The following CSTB variants were observed in gnomAD, a reference collection of about 807,000 sequenced individuals.
CSTB encodes cystatin B, also known as cystatin-B.
CSTB carries 8 observed loss-of-function variants against 7.6 expected under a neutral mutation model. The observed-to-expected ratio is 1.05, with a 90% CI of 0.62 to 1.89. CSTB has a LOEUF of 1.89. Among genes scored for constraint, CSTB ranks in the 40% most tolerant of loss-of-function variants. The probability of loss-of-function intolerance (pLI) is 0.00; values close to 1 mark genes in which losing one functional copy is unlikely to be tolerated. For synonymous variants in CSTB, 56 were observed against 55.3 expected (o/e 1.01, Z -0.06); for missense variants, 124 against 126.4 (o/e 0.98, Z 0.09).
rs1477355983 is a variant in CSTB at position 43,776,285 on chromosome 21, G to A, written c.-16C>T. 3.5e-5 allele frequency: 53 copies of A among 1,529,326 alleles called. No homozygotes were observed. Among genetic ancestry groups the A allele is most frequent in the Non-Finnish European group, 4.5e-5 (51 of 1,140,178 alleles). 94.7% of individuals were successfully genotyped at this position (1,529,326 alleles called of 1,614,324 possible). On this transcript the variant is annotated 5_prime_UTR_variant, in exon 1 of 3. Coordinates refer to ENST00000291568, the MANE Select transcript of CSTB (RefSeq NM_000100.4). ...CGCACATCATCTTGGCGGCGACGGAGGGAATCTGGCGAGGGGACTCGGCGA... is the reference window on the plus strand; with the variant it reads ...CGCACATCATCTTGGCGGCGACGGAAGGAATCTGGCGAGGGGACTCGGCGA...
At chr21:43,774,443 G>T in intron 2 of CSTB, 113 bp from the exon 3 acceptor site, 1 of 1,495,518 alleles carries the variant, frequency 6.7e-7, no homozygotes, top group Non-Finnish European at 9.3e-7. Context: ...CATGTGCAGG[G>T]GATGCCTCAC....
In CSTB at chr21:43,774,650, C is replaced by T. The variant is rs556221258; in HGVS notation, c.168+8G>A. On this transcript the variant is annotated splice_region_variant and intron_variant, in intron 2 of 2. Coordinates refer to ENST00000291568, the MANE Select transcript of CSTB (RefSeq NM_000100.4). The stretch of plus-strand genomic sequence containing the variant: ...TCGGGGCAGGCCCTCCTGAGGCCCA[C>T]ACTCTACCTTGATGAAGTAGTTTGT... 6.2e-7 allele frequency: 1 copy of T among 1,611,720 alleles called. No homozygotes were observed. The highest frequency in any genetic ancestry group is 1.3e-5 in the African/African-American group (1 of 75,026).
chr21:43,774,432 G>A, intron 2 of CSTB, 102 bp from the exon 3 acceptor site: 1 of 1,565,338 alleles, frequency 6.4e-7, no homozygotes, highest in Non-Finnish European at 8.8e-7. Flanking sequence ...GTCTTCTCCT[G>A]CATGTGCAGG....
chr21:43,776,296 G>C lies in CSTB; in HGVS notation c.-27C>G, dbSNP rs759773569. ...TTGGCGGCGACGGAGGGAATCTGGC[G>C]AGGGGACTCGGCGAGGGGACGCGGC... On this transcript the variant is annotated 5_prime_UTR_variant, in exon 1 of 3. Transcript: ENST00000291568. 3.9e-6 allele frequency: 6 copies of C among 1,521,366 alleles called. No individual in the cohort carries two copies. The highest frequency in any genetic ancestry group is 5.3e-6 in the Non-Finnish European group (6 of 1,134,764). The allele number at this position is 1,521,366 out of a possible 1,614,324, so 94.2% of individuals were successfully genotyped here.
intron 1 of CSTB, 47 bp from the exon 2 acceptor site, chr21:43,774,806 T>TCC (rs1412518212): frequency 3.6e-6 from 5 of 1,406,216 alleles, no homozygotes; most frequent in Non-Finnish European, 5.0e-6. Flanking sequence ...CTTCTTGGAT[T>TCC]CCCTCCTGCT....
intron 1 of CSTB, chr21:43,775,340 G>A (rs2084005194): frequency 1.2e-5 from 2 of 173,176 alleles, no homozygotes; most frequent in Non-Finnish European, 2.5e-5. Context: ...ACCGGAGGGG[G>A]CTTCTTGCAC....
In CSTB at chr21:43,776,297, AGGGGACTCG is replaced by A; in HGVS notation, c.-37_-29del. 3 of 1,521,048 alleles carry A rather than the reference AGGGGACTCG, an allele frequency of 2.0e-6. No homozygotes were observed. The highest frequency in any genetic ancestry group is 2.6e-6 in the Non-Finnish European group (3 of 1,134,682). The allele number at this position is 1,521,048 out of a possible 1,614,324, so 94.2% of individuals were successfully genotyped here. ...TGGCGGCGACGGAGGGAATCTGGCG[AGGGGACTCG>A]GCGAGGGGACGCGGCGGCTCCTCAG... On this transcript the variant is annotated 5_prime_UTR_variant, in exon 1 of 3. Transcript: ENST00000291568.
At chr21:43,776,129 C>T in intron 1 of CSTB, 75 bp downstream of exon 1, 5 of 1,377,518 alleles carry the variant, frequency 3.6e-6, no homozygotes, top group South Asian at 2.5e-5. Context: ...CGGCTTCTTT[C>T]GCTCCAGGAG....
Position 43,776,295 on chromosome 21 carries a change from C to T in CSTB, c.-26G>A. On this transcript the variant is annotated 5_prime_UTR_variant, in exon 1 of 3. Coordinates refer to ENST00000291568, the MANE Select transcript of CSTB (RefSeq NM_000100.4). Reference sequence around the variant, plus strand: ...CTTGGCGGCGACGGAGGGAATCTGGCGAGGGGACTCGGCGAGGGGACGCGG... The same window carrying T: ...CTTGGCGGCGACGGAGGGAATCTGGTGAGGGGACTCGGCGAGGGGACGCGG... 2 of 1,521,182 alleles carry T rather than the reference C, an allele frequency of 1.3e-6. No individual in the cohort carries two copies. Among genetic ancestry groups the T allele is most frequent in the East Asian group, 2.5e-5 (1 of 39,360 alleles). The allele number at this position is 1,521,182 out of a possible 1,614,324, so 94.2% of individuals were successfully genotyped here. A position where few individuals can be genotyped will look rare whatever the true frequency, so the allele number is the denominator to read the frequency against.
At chr21:43,775,572 G>T (rs1304216326) in intron 1 of CSTB, 1 of 152,492 alleles carries the variant, frequency 6.6e-6, no homozygotes, top group South Asian at 2.1e-4. Context: ...GACCTTTTAT[G>T]CAGATACACT....
At chr21:43,774,429 C>G (rs1601855958) in intron 2 of CSTB, 99 bp from the exon 3 acceptor site, 18 of 1,571,494 alleles carry the variant, frequency 1.1e-5, no homozygotes, top group Non-Finnish European at 1.5e-5. Context: ...CTTGTCTTCT[C>G]CTGCATGTGC....
chr21:43,774,519 G>T, intron 2 of CSTB, 139 bp downstream of exon 2: 1 of 1,124,500 alleles, frequency 8.9e-7, no homozygotes, highest in Non-Finnish European at 1.3e-6. Flanking sequence ...AAAGGCCGAT[G>T]GACACACACA....
Position 43,774,629 on chromosome 21 carries a change from G to A in CSTB, c.168+29C>T, listed in dbSNP as rs201046688. On this transcript the variant is annotated intron_variant, in intron 2 of 2. Coordinates refer to ENST00000291568, the MANE Select transcript of CSTB (RefSeq NM_000100.4). ...CGGTTTCCTACCAGCACCCGTTCGG[G>A]GCAGGCCCTCCTGAGGCCCACACTC... 2.4e-4 allele frequency: 381 copies of A among 1,584,346 alleles called. 4 individuals are homozygous for A. The African/African-American group carries it at 4.6e-3, about 19-fold the overall frequency.
intron 2 of CSTB, 112 bp downstream of exon 2, chr21:43,774,546 A>T: frequency 8.7e-7 from 1 of 1,150,574 alleles, no homozygotes; most frequent in East Asian, 2.3e-5. Context: ...TGCTTATCTC[A>T]GGGGGCAGCC....
chr21:43,774,221 T>C lies in CSTB; in HGVS notation c.278A>G (p.Asp93Gly). 1 of 1,614,226 alleles carries C rather than the reference T, an allele frequency of 6.2e-7. No individual in the cohort carries two copies. Residue 93 changes from aspartate (D) to glycine (G), a missense_variant, in exon 3 of 3, where the codon GAT (aspartate) becomes GGT (glycine). Transcript: ENST00000291568. Reference sequence around the variant, plus strand: ...TCAGGATCAGAAATAGGTCAGCTCATCATGCTTGGCTTTGTTGGTCTGGTA... The same window carrying C: ...TCAGGATCAGAAATAGGTCAGCTCACCATGCTTGGCTTTGTTGGTCTGGTA... The part of the protein sequence containing the change: ...SNYQTNKAKH[D>G]ELTYF
At chr21:43,774,952 G>T (rs369661165) in intron 1 of CSTB, 193 bp from the exon 2 acceptor site, 2 of 634,942 alleles carry the variant, frequency 3.1e-6, no homozygotes, top group African/African-American at 1.8e-5. Flanking sequence ...AGCTGGGTAC[G>T]GTGGCTCAAG....
rs1356507368 is a variant in CSTB, at chr21:43,776,307, G to A, written c.-38C>T. 6.6e-7 allele frequency: 1 copy of A among 1,504,938 alleles called. No individual in the cohort carries two copies. The highest frequency in any genetic ancestry group is 8.9e-7 in the Non-Finnish European group (1 of 1,124,454). 93.2% of individuals were successfully genotyped at this position (1,504,938 alleles called of 1,614,324 possible). A position where few individuals can be genotyped will look rare whatever the true frequency, so the allele number is the denominator to read the frequency against. On this transcript the variant is annotated 5_prime_UTR_variant, in exon 1 of 3. Transcript: ENST00000291568. ...GGAGGGAATCTGGCGAGGGGACTCG[G>A]CGAGGGGACGCGGCGGCTCCTCAGC...
intron 1 of CSTB, 142 bp downstream of exon 1, chr21:43,776,062 G>A: frequency 4.4e-6 from 3 of 680,516 alleles, no homozygotes; most frequent in Non-Finnish European, 6.8e-6. Flanking sequence ...CCGAGCGGAG[G>A]GAGGCCTCTC....
chr21:43,774,509 A>G (rs2084000573), intron 2 of CSTB, 149 bp downstream of exon 2: 1 of 1,168,460 alleles, frequency 8.6e-7, no homozygotes, highest in Non-Finnish European at 1.3e-6. Flanking sequence ...AGTCCTCCTG[A>G]AAGGCCGATG....
Sources: gnomAD v4.1 joint callset for allele counts on GRCh38, gnomAD v4.1.1 for gene constraint, MANE v1.5 for transcripts, NCBI Gene and HGNC (gene_info 2026-07-23, HGNC 2026-07-21) for gene names.